The following ACVRL1 variants were observed in gnomAD, a reference collection of about 807,000 sequenced individuals.
ACVRL1 encodes activin receptor type-1-like.
In ACVRL1, 20 loss-of-function variants were observed where a neutral mutation model predicts 51.9. The observed-to-expected ratio is 0.39, with a 90% CI of 0.27 to 0.56. The LOEUF (loss-of-function observed/expected upper bound fraction) is 0.56. ACVRL1 is among the 20% of genes least tolerant of loss of function. ACVRL1 has a pLI of 0.67. For missense variants in ACVRL1, 451 were observed against 670.3 expected, an observed-to-expected ratio of 0.67 and a Z score of 3.61; for synonymous variants, 288 against 280.9, an observed-to-expected ratio of 1.03 and a Z score of -0.25.
chr12:51,912,318 G>A (rs1032539480), intron 1 of ACVRL1, 152 bp from the exon 2 acceptor site: 12 of 806,976 alleles, frequency 1.5e-5, no homozygotes, highest in African/African-American at 3.4e-5. Flanking sequence ...TGCAGGCCCC[G>A]CCCCAAAGCC....
rs1197652795 is a variant in ACVRL1 at position 51,920,834 on chromosome 12, A to G, written c.1453A>G (p.Ile485Val). The change falls in exon 10 of 10, where the codon ATC (isoleucine) becomes GTC (valine). Residue 485 changes from isoleucine (I) to valine (V), a missense_variant. Ile to Val is a conservative substitution (Grantham distance 29, BLOSUM62 3). Around this residue, in one of 2 missense-constraint regions of ACVRL1, gnomAD observed 259 missense variants for 453.4 expected, o/e 0.57. Transcript: ENST00000388922. ...NPSARLTALR[I>V]KKTLQKISNS... ...CTCTGCCCGACTCACCGCGCTGCGG[A>G]TCAAGAAGACACTACAAAAAATTAG... The G allele has an allele frequency of 1.2e-6, 2 of 1,613,858 alleles. No homozygotes were observed. Among genetic ancestry groups the G allele is most frequent in the Middle Eastern group, 1.7e-4 (1 of 6,052 alleles).
chr12:51,920,271 G>A (rs1940940166), intron 9 of ACVRL1, among the ~76,000 whole-genome samples: 1 of 152,238 alleles, frequency 6.6e-6, no homozygotes, highest in Non-Finnish European at 1.5e-5. Flanking sequence ...GGAGGGGCTG[G>A]AAGACACTGC....
At chr12:51,911,016 A>G (rs1456454105) in intron 1 of ACVRL1, among the ~76,000 whole-genome samples, 4 of 152,156 alleles carry the variant, frequency 2.6e-5, no homozygotes. Flanking sequence ...TTCTTAGACT[A>G]TGGGCTTTCT....
At chr12:51,910,913 C>A (rs1328905223) in intron 1 of ACVRL1, among the ~76,000 whole-genome samples, 2 of 152,240 alleles carry the variant, frequency 1.3e-5, no homozygotes, top group African/African-American at 4.8e-5. Flanking sequence ...GCCAGGCCTG[C>A]CACCAGCCAG....
rs759670132 is a variant in ACVRL1, at chr12:51,913,206, C to T, written c.169C>T (p.Arg57Trp). 10 of 1,590,758 alleles carry T rather than the reference C, an allele frequency of 6.3e-6. No homozygotes were observed. The highest frequency in any genetic ancestry group is 2.3e-5 in the East Asian group (1 of 44,110). The change falls in exon 3 of 10, where the codon CGG becomes TGG. Residue 57 changes from arginine (R) to tryptophan (W), a missense_variant. Around this residue, in one of 2 missense-constraint regions of ACVRL1, gnomAD observed 192 missense variants for 216.9 expected, o/e 0.89. Coordinates refer to ENST00000388922, the MANE Select transcript of ACVRL1 (RefSeq NM_000020.3). ...GGCCTGGTGCACAGTAGTGCTGGTGCGGGAGGAGGGGAGGCACCCCCAGGA... is the reference window on the plus strand; with the variant it reads ...GGCCTGGTGCACAGTAGTGCTGGTGTGGGAGGAGGGGAGGCACCCCCAGGA... ...RGAWCTVVLV[R>W]EEGRHPQEHR...
Position 51,917,722 on chromosome 12 carries a change from G to A in ACVRL1, c.1247-1263G>A, listed in dbSNP as rs545606947. Among the ~76,000 whole-genome samples the A allele has an allele frequency of 2.6e-5, 4 of 152,240 alleles. No individual in the cohort carries two copies. The highest frequency in any genetic ancestry group is 2.1e-4 in the South Asian group (1 of 4,820). ...AGGTGCTTAGATTCCTCAAGACTCCGGGCATGAATTGCCAGAGTGGGCTCT... is the reference window on the plus strand; with the variant it reads ...AGGTGCTTAGATTCCTCAAGACTCCAGGCATGAATTGCCAGAGTGGGCTCT... On this transcript the variant is annotated intron_variant, in intron 8 of 9. Transcript: ENST00000388922. The surrounding 1 kb of genome is among the most constrained non-coding windows in gnomAD (Gnocchi z 4.2).
In ACVRL1 at chr12:51,917,960, C is replaced by T. The variant is rs989325471; in HGVS notation, c.1247-1025C>T. Among the ~76,000 whole-genome samples, 1 of 152,230 alleles carries T rather than the reference C, an allele frequency of 6.6e-6. No individual in the cohort carries two copies. The highest frequency in any genetic ancestry group is 2.4e-5 in the African/African-American group (1 of 41,460). ...AGGCCCATTAGACACATTCAGGCCT[C>T]TGTGCAGCACTGATTAGGGCGTGAG... On this transcript the variant is annotated intron_variant, in intron 8 of 9. Coordinates refer to ENST00000388922, the MANE Select transcript of ACVRL1 (RefSeq NM_000020.3). This position sits in a 1 kb window ranked among gnomAD's most constrained non-coding sequence, Gnocchi z 4.2.
rs1690215 is a variant in ACVRL1 at position 51,912,005 on chromosome 12, A to G, written c.-5-465A>G. ...CAGGACCCTGAATGGCAGGAAGCGAAGACAGGAGCCTGTTTATGTTTGAGG... is the reference window on the plus strand; with the variant it reads ...CAGGACCCTGAATGGCAGGAAGCGAGGACAGGAGCCTGTTTATGTTTGAGG... On this transcript the variant is annotated intron_variant, in intron 1 of 9. Coordinates refer to ENST00000388922, the MANE Select transcript of ACVRL1 (RefSeq NM_000020.3). 0.32 allele frequency among the ~76,000 whole-genome samples: 48,931 copies of G among 151,950 alleles called. 8,190 individuals are homozygous for G. Among genetic ancestry groups the G allele is most frequent in the East Asian group, 0.56 (2,902 of 5,144 alleles).
At position 51,912,486 on chromosome 12, in the gene ACVRL1, C is replaced by A; in HGVS notation, c.12C>A (p.Gly4=). 1.2e-6 allele frequency: 2 copies of A among 1,614,218 alleles called. No homozygotes were observed. The highest frequency in any genetic ancestry group is 1.1e-5 in the South Asian group (1 of 91,086). The change falls in exon 2 of 10, where the codon GGC becomes GGA. Residue 4 remains glycine, a synonymous_variant. Coordinates refer to ENST00000388922, the MANE Select transcript of ACVRL1 (RefSeq NM_000020.3). ...TCTCTGCAGGGACCATGACCTTGGG[C>A]TCCCCCAGGAAAGGCCTTCTGATGC... The part of the protein sequence containing the change: MTL[G]SPRKGLLMLL...
Position 51,913,126 on chromosome 12 carries a change from C to A in ACVRL1, c.89C>A (p.Pro30Gln). The change falls in exon 3 of 10, where the codon CCG becomes CAG. Residue 30 changes from proline to glutamine, a missense_variant. Pro to Gln is a moderately conservative substitution (Grantham distance 76, BLOSUM62 -1). Around this residue, in one of 2 missense-constraint regions of ACVRL1, gnomAD observed 192 missense variants for 216.9 expected, o/e 0.89. Transcript: ENST00000388922. ...QGDPVKPSRGPLVTCTCESPH... is the reference protein window; with the variant it reads ...QGDPVKPSRGQLVTCTCESPH... ...GACCCTGTGAAGCCGTCTCGGGGCC[C>A]GCTGGTGACCTGCACGTGTGAGAGC... The A allele has an allele frequency of 6.2e-7, 1 of 1,606,180 alleles. No homozygotes were observed. Among genetic ancestry groups the A allele is most frequent in the Non-Finnish European group, 8.5e-7 (1 of 1,179,090 alleles).
Position 51,914,505 on chromosome 12 carries a change from TCTC to T in ACVRL1, c.696_698del (p.Ser233del), listed in dbSNP as rs387906391. ...GGTGAGAGTGTGGCCGTCAAGATCT[TCTC>T]CTCGAGGGATGAACAGTCCTGGTTC... On this transcript the variant is annotated inframe_deletion, in exon 6 of 10. Transcript: ENST00000388922. 3 of 1,613,954 alleles carry T rather than the reference TCTC, an allele frequency of 1.9e-6. No homozygotes were observed. The highest frequency in any genetic ancestry group is 2.5e-6 in the Non-Finnish European group (3 of 1,180,004).
chr12:51,918,416 A>C (rs1247685363), intron 8 of ACVRL1, among the ~76,000 whole-genome samples: 1 of 152,228 alleles, frequency 6.6e-6, no homozygotes, highest in Non-Finnish European at 1.5e-5. Context: ...AGCTCATAGT[A>C]TTACCTACCT....
At position 51,913,294 on chromosome 12, in the gene ACVRL1, A is replaced by G; in HGVS notation, c.257A>G (p.Asn86Ser). Residue 86 changes from asparagine to serine, a missense_variant, in exon 3 of 10, where the codon AAC becomes AGC. Physicochemically the swap from Asn to Ser is conservative, Grantham distance 46. Coordinates refer to ENST00000388922, the MANE Select transcript of ACVRL1 (RefSeq NM_000020.3). ...AGGGGGCGCCCCACCGAGTTCGTCA[A>G]CCACTACTGCTGCGACAGCCACCTC... ...LCRGRPTEFV[N>S]HYCCDSHLCN... 6.2e-7 allele frequency: 1 copy of G among 1,610,124 alleles called. No individual in the cohort carries two copies. Among genetic ancestry groups the G allele is most frequent in the African/African-American group, 1.3e-5 (1 of 74,958 alleles).
At chr12:51,915,643 C>T in intron 7 of ACVRL1, 143 bp downstream of exon 7, 1 of 1,159,574 alleles carries the variant, frequency 8.6e-7, no homozygotes, top group East Asian at 2.6e-5. Flanking sequence ...CCGCAAGACC[C>T]CACGAGTTGT....
In ACVRL1 at chr12:51,914,533, C is replaced by T. The variant is rs1204079603; in HGVS notation, c.720C>T (p.Phe240=). Residue 240 remains phenylalanine (F), a synonymous_variant, in exon 6 of 10, where the codon TTC becomes TTT. Coordinates refer to ENST00000388922, the MANE Select transcript of ACVRL1 (RefSeq NM_000020.3). ...IFSSRDEQSW[F]RETEIYNTVL... ...CCTCGAGGGATGAACAGTCCTGGTT[C>T]CGGGAGACTGAGATCTATAACACAG... 2 of 1,613,926 alleles carry T rather than the reference C, an allele frequency of 1.2e-6. No homozygotes were observed. Among genetic ancestry groups the T allele is most frequent in the East Asian group, 2.2e-5 (1 of 44,828 alleles).
chr12:51,910,821 TG>T (rs1160576489), intron 1 of ACVRL1, among the ~76,000 whole-genome samples: 1 of 152,138 alleles, frequency 6.6e-6, no homozygotes, highest in Non-Finnish European at 1.5e-5. Flanking sequence ...AGGCAGAGGC[TG>T]GGGACACAGC....
In ACVRL1 at chr12:51,920,931, TG is replaced by T. The variant is rs761647766; in HGVS notation, c.*45del. ...TGATTCCTTTCTGCCTGCAGGGGGC[TG>T]GGGGGGTGGGGGGCAGTGGATGGTG... On this transcript the variant is annotated 3_prime_UTR_variant, in exon 10 of 10. Transcript: ENST00000388922. 2,028 of 203,972 alleles carry T rather than the reference TG, an allele frequency of 9.9e-3. 33 individuals carry two copies. Among genetic ancestry groups the T allele is most frequent in the Non-Finnish European group, 0.015 (1,530 of 104,902 alleles). The allele number at this position is 203,972 out of a possible 1,614,324, so 12.6% of individuals were successfully genotyped here. A position where few individuals can be genotyped will look rare whatever the true frequency, so the allele number is the denominator to read the frequency against.
Position 51,919,031 on chromosome 12 carries a change from T to A in ACVRL1, c.1293T>A (p.Asn431Lys), listed in dbSNP as rs760663685. The stretch of plus-strand genomic sequence containing the variant: ...CACCCTTCTATGATGTGGTGCCCAA[T>A]GACCCCAGCTTTGAGGACATGAAGA... ...YRPPFYDVVPNDPSFEDMKKV... is the reference protein window; with the variant it reads ...YRPPFYDVVPKDPSFEDMKKV... The change falls in exon 9 of 10, where the codon AAT becomes AAA. Residue 431 changes from asparagine (N) to lysine (K), a missense_variant. Transcript: ENST00000388922. 6.2e-7 allele frequency: 1 copy of A among 1,614,048 alleles called. No homozygotes were observed. Among genetic ancestry groups the A allele is most frequent in the East Asian group, 2.2e-5 (1 of 44,890 alleles).
chr12:51,914,546 A>T lies in ACVRL1; in HGVS notation c.733A>T (p.Ile245Phe). 6.2e-7 allele frequency: 1 copy of T among 1,613,698 alleles called. No individual in the cohort carries two copies. Among genetic ancestry groups the T allele is most frequent in the South Asian group, 1.1e-5 (1 of 91,028 alleles). ...ACAGTCCTGGTTCCGGGAGACTGAG[A>T]TCTATAACACAGTGTTGCTCAGACA... ...DEQSWFRETE[I>F]YNTVLLRHDN... The change falls in exon 6 of 10, where the codon ATC becomes TTC. Residue 245 changes from isoleucine (I) to phenylalanine (F), a missense_variant. This residue lies in a region of ACVRL1 where 259 missense variants were observed against 453.4 expected (regional missense o/e 0.57). Coordinates refer to ENST00000388922, the MANE Select transcript of ACVRL1 (RefSeq NM_000020.3).
Sources: gnomAD v4.1 joint callset for allele counts (sites outside exome capture counted in the v4.1 genomes callset) on GRCh38, gnomAD v4.1.1 for gene constraint, gnomAD v4.1.1 regional missense constraint, Gnocchi (gnomAD v3.1) non-coding constraint, MANE v1.5 for transcripts, NCBI Gene and HGNC (gene_info 2026-07-23, HGNC 2026-07-21) for gene names.